The following ANKEF1 variants were observed in gnomAD, a reference collection of about 807,000 sequenced individuals.
ANKEF1 encodes ankyrin repeat and EF-hand domain-containing protein 1.
A neutral mutation model predicts 65.1 loss-of-function variants in ANKEF1; 43 were observed. The observed-to-expected ratio is 0.66, with a 90% CI of 0.52 to 0.85. ANKEF1 has a LOEUF of 0.85. ANKEF1 is among the 40% of genes least tolerant of loss of function. The pLI is 0.00. For synonymous variants in ANKEF1, 316 were observed against 341.5 expected, an observed-to-expected ratio of 0.93 and a Z score of 0.82; for missense variants, 934 against 952.9, an observed-to-expected ratio of 0.98 and a Z score of 0.26.
In ANKEF1 at chr20:10,053,260, A is replaced by C. The variant is rs762185001; in HGVS notation, c.2019A>C (p.Glu673Asp). The C allele has an allele frequency of 3.8e-6, 6 of 1,591,598 alleles. No homozygotes were observed. The highest frequency in any genetic ancestry group is 5.1e-6 in the Non-Finnish European group (6 of 1,174,238). The change falls in exon 9 of 11, where the codon GAA becomes GAC. Residue 673 changes from glutamate to aspartate, a missense_variant. Physicochemically the swap from Glu to Asp is conservative, Grantham distance 45. Coordinates refer to ENST00000378392, the MANE Select transcript of ANKEF1 (RefSeq NM_022096.6). Reference sequence around the variant, plus strand: ...CTATACTGAAGACTGAAGGCCCTGAAATTAAGAAAGAAGAGGTAAGAAAAA... The same window carrying C: ...CTATACTGAAGACTGAAGGCCCTGACATTAAGAAAGAAGAGGTAAGAAAAA... Reference protein sequence around the residue: ...TPPILKTEGPEIKKEEELLSS... With the variant: ...TPPILKTEGPDIKKEEELLSS...
At chr20:10,045,779 CT>C in intron 6 of ANKEF1, 82 bp downstream of exon 6, 6 of 1,450,034 alleles carry the variant, frequency 4.1e-6, no homozygotes, top group Non-Finnish European at 5.7e-6. Flanking sequence ...GGGCCTATCA[CT>C]TGTCAGTGGC....
rs1436120087 is a variant in ANKEF1 at position 10,057,424 on chromosome 20, A to G, written c.*1764A>G. The G allele has an allele frequency of 6.6e-6, 1 of 152,108 alleles. No homozygotes were observed. The highest frequency in any genetic ancestry group is 2.4e-5 in the African/African-American group (1 of 41,408). The allele number at this position is 152,108 out of a possible 1,614,324, so 9.4% of individuals were successfully genotyped here. A position where few individuals can be genotyped will look rare whatever the true frequency, so the allele number is the denominator to read the frequency against. On this transcript the variant is annotated 3_prime_UTR_variant, in exon 11 of 11. Coordinates refer to ENST00000378392, the MANE Select transcript of ANKEF1 (RefSeq NM_022096.6). ...TTTCTTTTTGTTTTGACATAATTTCATATTTATGGAAAAGTTGCAATAATT... is the reference window on the plus strand; with the variant it reads ...TTTCTTTTTGTTTTGACATAATTTCGTATTTATGGAAAAGTTGCAATAATT...
intron 3 of ANKEF1, among the ~76,000 whole-genome samples, chr20:10,039,124 G>A (rs533778076): frequency 6.6e-6 from 1 of 152,230 alleles, no homozygotes; most frequent in East Asian, 1.9e-4. Context: ...AGTCAATTCT[G>A]GCATAAACTC....
chr20:10,057,595 A>G lies in ANKEF1; in HGVS notation c.*1935A>G, dbSNP rs1985243452. ...AACTATCTGTGTGTCCGTTGAAGAC[A>G]TGATGAAGACATGATGTTCTTCACA... On this transcript the variant is annotated 3_prime_UTR_variant, in exon 11 of 11. Transcript: ENST00000378392. 6.6e-6 allele frequency: 1 copy of G among 152,216 alleles called. No homozygotes were observed. The highest frequency in any genetic ancestry group is 2.1e-4 in the South Asian group (1 of 4,832). 9.4% of individuals were successfully genotyped at this position (152,216 alleles called of 1,614,324 possible).
Position 10,049,865 on chromosome 20 carries a change from C to T in ANKEF1, c.1296C>T (p.Pro432=). The T allele has an allele frequency of 6.2e-7, 1 of 1,614,122 alleles. No homozygotes were observed. The highest frequency in any genetic ancestry group is 2.2e-5 in the East Asian group (1 of 44,876). ...KKGKKGKFVL[P]LPICVIPEYA... The stretch of plus-strand genomic sequence containing the variant: ...GAAAGAAAGGGAAATTTGTCTTACC[C>T]CTTCCAATCTGTGTCATTCCTGAGT... The change falls in exon 7 of 11, where the codon CCC becomes CCT. Residue 432 remains proline, a synonymous_variant. Transcript: ENST00000378392.
At chr20:10,054,789 GTTCTCT>G (rs1985054462) in intron 10 of ANKEF1, among the ~76,000 whole-genome samples, 190 bp downstream of exon 10, 1 of 152,192 alleles carries the variant, frequency 6.6e-6, no homozygotes, top group African/African-American at 2.4e-5. Flanking sequence ...CCGGCATCTA[GTTCTCT>G]TTCTATTACT....
chr20:10,047,234 C>A (rs1303172009), intron 6 of ANKEF1, among the ~76,000 whole-genome samples: 1 of 152,182 alleles, frequency 6.6e-6, no homozygotes, highest in Non-Finnish European at 1.5e-5. Context: ...AGGCCTAACT[C>A]AGTGATGCAG....
Position 10,045,709 on chromosome 20 carries a change from T to C in ANKEF1, c.820+12T>C, listed in dbSNP as rs685723. ...TATAGCTCAGCGAGGTAAAATTGTC[T>C]AGCAATTTTGTGCTTCAAGTACTTA... is the stretch of plus-strand genomic sequence containing the variant. On this transcript the variant is annotated intron_variant, in intron 6 of 10. Transcript: ENST00000378392. 409,733 of 1,612,004 alleles carry C rather than the reference T, an allele frequency of 0.25. 54,297 individuals carry two copies. Among genetic ancestry groups the C allele is most frequent in the African/African-American group, 0.29 (22,057 of 74,884 alleles).
chr20:10,050,202 C>G lies in ANKEF1; in HGVS notation c.1633C>G (p.Leu545Val). 1 of 1,605,182 alleles carries G rather than the reference C, an allele frequency of 6.2e-7. No homozygotes were observed. Among genetic ancestry groups the G allele is most frequent in the Non-Finnish European group, 8.5e-7 (1 of 1,175,480 alleles). Reference sequence around the variant, plus strand: ...AAACATAGATGTGGTCAAGTTTCTTCTTGAAAAAGGGTACGCGTCTCCGTC... The same window carrying G: ...AAACATAGATGTGGTCAAGTTTCTTGTTGAAAAAGGGTACGCGTCTCCGTC... ...SGNIDVVKFL[L>V]EKGANVNATD... The change falls in exon 7 of 11, where the codon CTT becomes GTT. Residue 545 changes from leucine (L) to valine (V), a missense_variant. Leu to Val is a conservative substitution (Grantham distance 32, BLOSUM62 1). Coordinates refer to ENST00000378392, the MANE Select transcript of ANKEF1 (RefSeq NM_022096.6).
intron 3 of ANKEF1, among the ~76,000 whole-genome samples, chr20:10,039,508 T>A (rs1472269794): frequency 6.6e-6 from 1 of 152,226 alleles, no homozygotes; most frequent in Non-Finnish European, 1.5e-5. Flanking sequence ...CCAGACTTGG[T>A]GTTTGATATG....
In ANKEF1 at chr20:10,045,642, T is replaced by C; in HGVS notation, c.765T>C (p.Leu255=). 3 of 1,613,932 alleles carry C rather than the reference T, an allele frequency of 1.9e-6. No individual in the cohort carries two copies. The highest frequency in any genetic ancestry group is 1.7e-6 in the Non-Finnish European group (2 of 1,179,856). The part of the protein sequence containing the change: ...GLISINGNTP[L]HYAAMGGFAD... ...TTTCGATAAATGGGAACACACCACT[T>C]CATTATGCTGCCATGGGTGGTTTTG... is the stretch of plus-strand genomic sequence containing the variant. The change falls in exon 6 of 11, where the codon CTT becomes CTC. Residue 255 remains leucine, a synonymous_variant. Transcript: ENST00000378392.
intron 8 of ANKEF1, among the ~76,000 whole-genome samples, chr20:10,052,827 G>A (rs758841994): frequency 2.0e-5 from 3 of 151,944 alleles, no homozygotes; most frequent in Non-Finnish European, 4.4e-5. Context: ...TATTTAAGAT[G>A]TAATATAATA....
intron 9 of ANKEF1, 73 bp downstream of exon 9, chr20:10,053,348 C>T (rs981735546): frequency 6.6e-6 from 9 of 1,360,712 alleles, no homozygotes; most frequent in Middle Eastern, 1.9e-4. Flanking sequence ...GGCAGAAGCA[C>T]TATTTACATA....
chr20:10,050,358 TAAC>T, intron 7 of ANKEF1, 146 bp downstream of exon 7: 1 of 598,660 alleles, frequency 1.7e-6, no homozygotes. Flanking sequence ...AGCCTTTTAT[TAAC>T]AATTAACTTA....
chr20:10,044,513 T>C lies in ANKEF1; in HGVS notation c.666T>C (p.Ala222=). ...NAFDNDRHHA[A]HFAAKGGFFD... ...TTGACAACGACAGGCATCACGCTGC[T>C]CATTTTGCTGCTAAAGGAGGCTTTT... Residue 222 remains alanine, a synonymous_variant, in exon 5 of 11, where the codon GCT becomes GCC. Coordinates refer to ENST00000378392, the MANE Select transcript of ANKEF1 (RefSeq NM_022096.6). 6.2e-7 allele frequency: 1 copy of C among 1,614,150 alleles called. No individual in the cohort carries two copies.
rs772356859 is a variant in ANKEF1, at chr20:10,049,423, A to G, written c.854A>G (p.Lys285Arg). Residue 285 changes from lysine to arginine, a missense_variant, in exon 7 of 11, where the codon AAA (lysine) becomes AGA (arginine). Lys to Arg is a conservative substitution (Grantham distance 26, BLOSUM62 2). Coordinates refer to ENST00000378392, the MANE Select transcript of ANKEF1 (RefSeq NM_022096.6). ...CDLKWKNLDH[K>R]TPRAVAKEGG... The stretch of plus-strand genomic sequence containing the variant: ...CTGAAATGGAAGAATTTAGATCATA[A>G]AACGCCCAGGGCTGTGGCTAAGGAA... The G allele has an allele frequency of 2.5e-6, 4 of 1,612,426 alleles. No individual in the cohort carries two copies. The highest frequency in any genetic ancestry group is 1.7e-5 in the Admixed American group (1 of 59,584).
chr20:10,052,671 C>T (rs928495198), intron 8 of ANKEF1, among the ~76,000 whole-genome samples: 9 of 152,058 alleles, frequency 5.9e-5, no homozygotes, highest in African/African-American at 2.2e-4. Context: ...ATTGCCCAGC[C>T]ATCTGCCTGG....
chr20:10,054,784 A>C (rs947017617), intron 10 of ANKEF1, among the ~76,000 whole-genome samples, 185 bp downstream of exon 10: 1 of 152,208 alleles, frequency 6.6e-6, no homozygotes, highest in African/African-American at 2.4e-5. Context: ...AGCTCCCGGC[A>C]TCTAGTTCTC....
chr20:10,037,350 C>G lies in ANKEF1; in HGVS notation c.-44-908C>G, dbSNP rs571652115. 6.3e-4 allele frequency among the ~76,000 whole-genome samples: 96 copies of G among 152,244 alleles called. 1 individual carries two copies. Among genetic ancestry groups the G allele is most frequent in the South Asian group, 1.0e-3 (5 of 4,824 alleles). ...CAAGAGAGCTACCTGCGCCCCAGCC[C>G]CACACCATACTGCTTAACAACTTCA... is the stretch of plus-strand genomic sequence containing the variant. On this transcript the variant is annotated intron_variant, in intron 2 of 10. Transcript: ENST00000378392.
Sources: allele counts gnomAD v4.1 joint callset (sites outside exome capture counted in the v4.1 genomes callset), GRCh38; gene constraint gnomAD v4.1.1; transcripts MANE v1.5; gene names NCBI Gene and HGNC (gene_info 2026-07-23, HGNC 2026-07-21).